The following COL24A1 variants were observed in gnomAD, a reference collection of about 807,000 sequenced individuals.
The protein encoded by COL24A1 is collagen alpha-1(XXIV) chain.
Under a neutral mutation model 253.9 loss-of-function variants are expected in COL24A1, and 224 were observed. The ratio of observed to expected loss-of-function variants is 0.88; its 90% CI spans 0.79 to 0.99. The LOEUF is 0.99. Ranked by LOEUF, COL24A1 falls within the 50% of genes least tolerant of loss-of-function variation. The probability of loss-of-function intolerance (pLI) is 0.00; values close to 1 mark genes in which losing one functional copy is unlikely to be tolerated. For synonymous variants in COL24A1, 685 were observed against 673.7 expected (o/e 1.02, Z -0.26); for missense variants, 2,131 against 2,068.5 (o/e 1.03, Z -0.59).
At chr1:86,033,762 T>A in intron 13 of COL24A1, 108 bp downstream of exon 13, 1 of 1,029,010 alleles carries the variant, frequency 9.7e-7, no homozygotes, top group Non-Finnish European at 1.4e-6. Flanking sequence ...TGGAGATTGT[T>A]TTTCCAATAG....
At chr1:85,790,951 A>G (rs1396372941) in intron 47 of COL24A1, among the ~76,000 whole-genome samples, 1 of 152,154 alleles carries the variant, frequency 6.6e-6, no homozygotes, top group African/African-American at 2.4e-5. Context: ...TTCACAACAA[A>G]ATGAAAATGA....
intron 2 of COL24A1, among the ~76,000 whole-genome samples, chr1:86,132,095 T>G (rs147845826): frequency 0.023 from 3,478 of 152,330 alleles, 64 homozygotes; most frequent in East Asian, 0.065. Flanking sequence ...TGATTTTGAT[T>G]TGCATTTCTC....
At chr1:85,875,240 A>C (rs1224206675) in intron 34 of COL24A1, 37 bp downstream of exon 34, 2 of 1,583,912 alleles carry the variant, frequency 1.3e-6, no homozygotes, top group African/African-American at 1.3e-5. Context: ...TCAATGGTGA[A>C]AGTTTAGAGA....
chr1:85,913,889 C>T lies in COL24A1; in HGVS notation c.2563-2456G>A, dbSNP rs1195129080. Reference sequence around the variant, plus strand: ...TCTTAGTCCATCCAGGCTACTATAACAAAAATATTGTAGGCTGGGTGACTT... The same window carrying T: ...TCTTAGTCCATCCAGGCTACTATAATAAAAATATTGTAGGCTGGGTGACTT... On this transcript the variant is annotated intron_variant, in intron 24 of 59. Coordinates refer to ENST00000370571, the MANE Select transcript of COL24A1 (RefSeq NM_152890.7). 2.0e-5 allele frequency among the ~76,000 whole-genome samples: 3 copies of T among 152,306 alleles called. No individual in the cohort carries two copies. The East Asian group carries it at 5.8e-4, about 29-fold the overall frequency.
intron 19 of COL24A1, among the ~76,000 whole-genome samples, chr1:86,005,984 G>A (rs1695917760): frequency 6.6e-6 from 1 of 152,034 alleles, no homozygotes; most frequent in Non-Finnish European, 1.5e-5. Flanking sequence ...TTGGTTATTA[G>A]CACCAACTAA....
intron 19 of COL24A1, among the ~76,000 whole-genome samples, chr1:86,001,655 T>C (rs1200812749): frequency 6.6e-6 from 1 of 151,884 alleles, no homozygotes; most frequent in Non-Finnish European, 1.5e-5. Flanking sequence ...GGTCTTTCCA[T>C]GAAAACAGGC....
Position 86,156,377 on chromosome 1 carries a change from C to A in COL24A1, c.20G>T (p.Arg7Ile), listed in dbSNP as rs77549850. MHLRAHRTRRGKVSPTA... is the reference protein window; with the variant it reads MHLRAHITRRGKVSPTA... ...GGGGGAGACTTTTCCACGCCTTGTTCTGTGGGCTCTTAAATGCATTTGTAT... is the reference window on the plus strand; with the variant it reads ...GGGGGAGACTTTTCCACGCCTTGTTATGTGGGCTCTTAAATGCATTTGTAT... Residue 7 changes from arginine (R) to isoleucine (I), a missense_variant, in exon 1 of 60, where the codon AGA becomes ATA. Physicochemically the swap from Arg to Ile is moderately conservative, Grantham distance 97. Transcript: ENST00000370571. 8 of 1,612,482 alleles carry A rather than the reference C, an allele frequency of 5.0e-6. No individual in the cohort carries two copies. Among genetic ancestry groups the A allele is most frequent in the Non-Finnish European group, 5.9e-6 (7 of 1,179,448 alleles).
intron 39 of COL24A1, among the ~76,000 whole-genome samples, chr1:85,843,953 G>A (rs1332879997): frequency 6.6e-6 from 1 of 151,882 alleles, no homozygotes; most frequent in Non-Finnish European, 1.5e-5. Flanking sequence ...AAATAAGTGG[G>A]GAGAAAATGT....
At chr1:85,748,605 A>G (rs1454177134) in intron 55 of COL24A1, among the ~76,000 whole-genome samples, 1 of 148,972 alleles carries the variant, frequency 6.7e-6, no homozygotes, top group African/African-American at 2.5e-5. Context: ...TGATTTCTGC[A>G]TTTCCATCTG....
intron 42 of COL24A1, among the ~76,000 whole-genome samples, chr1:85,839,800 G>T (rs1453687927): frequency 6.6e-6 from 1 of 151,918 alleles, no homozygotes; most frequent in East Asian, 1.9e-4. Context: ...TAATCCTTAA[G>T]CCAAAAATTA....
chr1:86,102,193 C>T (rs1156394780), intron 5 of COL24A1, among the ~76,000 whole-genome samples: 1 of 152,004 alleles, frequency 6.6e-6, no homozygotes, highest in Admixed American at 6.6e-5. Flanking sequence ...TTATAATATT[C>T]TCTGATGGTT....
chr1:85,949,068 T>C (rs1224208111), intron 24 of COL24A1, among the ~76,000 whole-genome samples: 2 of 152,170 alleles, frequency 1.3e-5, no homozygotes, highest in Admixed American at 1.3e-4. Context: ...TCTTCTACTA[T>C]ACTATGAAAG....
At chr1:85,968,686 T>C (rs1536022) in intron 22 of COL24A1, among the ~76,000 whole-genome samples, 1 of 149,122 alleles carries the variant, frequency 6.7e-6, no homozygotes. Context: ...CACTGGTTGG[T>C]AAGAGCCTTA....
chr1:85,844,567 C>T (rs1255835517), intron 39 of COL24A1, among the ~76,000 whole-genome samples: 6 of 151,916 alleles, frequency 3.9e-5, no homozygotes, highest in Non-Finnish European at 8.8e-5. Context: ...AAAGTAGACA[C>T]TTTGAACTGA....
intron 20 of COL24A1, among the ~76,000 whole-genome samples, chr1:85,985,749 A>G (rs1693670811): frequency 6.6e-6 from 1 of 151,808 alleles, no homozygotes; most frequent in Non-Finnish European, 1.5e-5. Flanking sequence ...GTCATTGAAG[A>G]GTCAGGGGAG....
intron 2 of COL24A1, among the ~76,000 whole-genome samples, chr1:86,127,226 C>G (rs1648448132): frequency 6.6e-6 from 1 of 152,052 alleles, no homozygotes; most frequent in Admixed American, 6.6e-5. Flanking sequence ...TAACTTTTAT[C>G]CAACTTTTAG....
At chr1:86,064,346 G>A (rs1046435622) in intron 7 of COL24A1, among the ~76,000 whole-genome samples, 4 of 151,968 alleles carry the variant, frequency 2.6e-5, no homozygotes, top group African/African-American at 4.8e-5. Flanking sequence ...AATAATAGAA[G>A]CAAAAGAAAA....
chr1:86,125,757 T>C lies in COL24A1; in HGVS notation c.579A>G (p.Glu193=). 2 of 1,612,008 alleles carry C rather than the reference T, an allele frequency of 1.2e-6. No homozygotes were observed. The highest frequency in any genetic ancestry group is 1.7e-6 in the Non-Finnish European group (2 of 1,179,268). ...KKYFSTETIP[E]VQTFDSNSVF... is the part of the protein sequence containing the mutation. ...CACTATTAGAATCAAAGGTCTGAAC[T>C]TCTGGAATAGTCTCTGTGCTAAAAT... Residue 193 remains glutamate, a synonymous_variant, in exon 3 of 60, where the codon GAA becomes GAG. Transcript: ENST00000370571.
intron 24 of COL24A1, among the ~76,000 whole-genome samples, chr1:85,939,313 A>G (rs183842389): frequency 1.1e-3 from 162 of 152,298 alleles, no homozygotes; most frequent in Middle Eastern, 3.4e-3. Context: ...CACAACAACT[A>G]TCATACCTAG....
Sources: allele counts gnomAD v4.1 joint callset (sites outside exome capture counted in the v4.1 genomes callset), GRCh38; gene constraint gnomAD v4.1.1; transcripts MANE v1.5; gene names NCBI Gene and HGNC (gene_info 2026-07-23, HGNC 2026-07-21).